Variants in GLI3 observed in about 807,000 individuals in gnomAD.
GLI3 encodes GLI family zinc finger 3, also known as transcription activator GLI3.
A neutral mutation model predicts 100.8 loss-of-function variants in GLI3; 20 were observed. That is an observed-to-expected ratio of 0.20 (90% CI 0.14 to 0.29). The LOEUF is 0.29. GLI3 is among the 10% of genes least tolerant of loss of function. The probability of loss-of-function intolerance (pLI) is 1.00; values close to 1 mark genes in which losing one functional copy is unlikely to be tolerated. For missense variants in GLI3, 2,040 were observed against 2,128.5 expected (o/e 0.96, Z 0.82); for synonymous variants, 938 against 860.5 (o/e 1.09, Z -1.58).
chr7:42,249,033 C>T (rs894792364), intron 1 of GLI3, among the ~76,000 whole-genome samples: 1 of 152,162 alleles, frequency 6.6e-6, no homozygotes, highest in Non-Finnish European at 1.5e-5. Context: ...AGGCATGAGC[C>T]ACTGCGCCTG....
At chr7:42,008,963 A>C (rs1788533966) in intron 10 of GLI3, among the ~76,000 whole-genome samples, 1 of 152,124 alleles carries the variant, frequency 6.6e-6, no homozygotes, top group Non-Finnish European at 1.5e-5. Flanking sequence ...CTCACAAACA[A>C]CTCTGATGAT....
At chr7:41,985,783 T>C (rs889500759) in intron 10 of GLI3, among the ~76,000 whole-genome samples, 5 of 152,194 alleles carry the variant, frequency 3.3e-5, no homozygotes, top group African/African-American at 4.8e-5. Flanking sequence ...GTAATTGGAT[T>C]CCTAAATGCT....
Position 41,977,551 on chromosome 7 carries a change from T to C in GLI3, c.1812+7A>G. The C allele has an allele frequency of 6.2e-7, 1 of 1,613,536 alleles. No individual in the cohort carries two copies. Among genetic ancestry groups the C allele is most frequent in the Non-Finnish European group, 8.5e-7 (1 of 1,179,476 alleles). On this transcript the variant is annotated splice_region_variant and intron_variant, in intron 12 of 14. Transcript: ENST00000395925. ...ATGCAAGCTCCATGCCCACTGAGGA[T>C]GCTTACCTCATTGGAATGCGTTCTG...
chr7:42,090,467 T>A (rs1443476825), intron 3 of GLI3, among the ~76,000 whole-genome samples: 1 of 152,204 alleles, frequency 6.6e-6, no homozygotes, highest in African/African-American at 2.4e-5. Context: ...TGTACCCATG[T>A]TTAAGAAGTC....
intron 2 of GLI3, among the ~76,000 whole-genome samples, chr7:42,207,599 T>G (rs1788181197): frequency 6.6e-6 from 1 of 152,160 alleles, no homozygotes; most frequent in Admixed American, 6.5e-5. Flanking sequence ...TTTCATCACA[T>G]CATTATTCAC....
intron 2 of GLI3, among the ~76,000 whole-genome samples, chr7:42,159,891 G>A (rs1487149677): frequency 6.6e-6 from 1 of 152,184 alleles, no homozygotes; most frequent in Non-Finnish European, 1.5e-5. Context: ...ATGGCAGGAT[G>A]TTATTTCTTT....
At chr7:42,168,988 G>C (rs1365788195) in intron 2 of GLI3, among the ~76,000 whole-genome samples, 1 of 152,168 alleles carries the variant, frequency 6.6e-6, no homozygotes, top group African/African-American at 2.4e-5. Flanking sequence ...AGATGGGCTA[G>C]AGGGTGCTGA....
chr7:41,995,758 A>G (rs1788106852), intron 10 of GLI3, among the ~76,000 whole-genome samples: 1 of 152,144 alleles, frequency 6.6e-6, no homozygotes, highest in South Asian at 2.1e-4. Flanking sequence ...GAAGAAAAGA[A>G]AGAAGAAAGG....
At chr7:42,240,882 C>T (rs976521792), upstream of GLI3, among the ~76,000 whole-genome samples, 3 of 152,204 alleles carry the variant, frequency 2.0e-5, no homozygotes, top group Non-Finnish European at 4.4e-5. Context: ...ACGTGCTCCT[C>T]TGATTCCTAC....
intron 2 of GLI3, among the ~76,000 whole-genome samples, chr7:42,194,631 A>T (rs1352887872): frequency 2.6e-5 from 4 of 151,762 alleles, no homozygotes; most frequent in Admixed American, 2.6e-4. Flanking sequence ...CATTCCATCT[A>T]CCCATGAAGC....
At chr7:41,993,135 A>C (rs1472841217) in intron 10 of GLI3, among the ~76,000 whole-genome samples, 1 of 152,154 alleles carries the variant, frequency 6.6e-6, no homozygotes, top group Non-Finnish European at 1.5e-5. Context: ...GATGTGTGAC[A>C]AAGTGTCCGG....
rs1220154145 is a variant in GLI3, at chr7:41,967,578, G to A, written c.2431+18C>T. ...AAAAAAAACCCTGAGCAGATGCATGGTCTGATGTAGAACTCACCATTTCCT... is the reference window on the plus strand; with the variant it reads ...AAAAAAAACCCTGAGCAGATGCATGATCTGATGTAGAACTCACCATTTCCT... On this transcript the variant is annotated intron_variant, in intron 14 of 14. Coordinates refer to ENST00000395925, the MANE Select transcript of GLI3 (RefSeq NM_000168.6). The A allele has an allele frequency of 3.2e-6, 5 of 1,570,236 alleles. No individual in the cohort carries two copies. The highest frequency in any genetic ancestry group is 4.4e-6 in the Non-Finnish European group (5 of 1,141,786).
chr7:42,220,083 A>G lies in GLI3; in HGVS notation c.124+3047T>C, dbSNP rs146105065. On this transcript the variant is annotated intron_variant, in intron 2 of 14. Coordinates refer to ENST00000395925, the MANE Select transcript of GLI3 (RefSeq NM_000168.6). ...TAGCCAGGATGGTCTCGATCTCCTG[A>G]CCTGGTGATCCGCCCGCCTCGGCCT... Among the ~76,000 whole-genome samples the G allele has an allele frequency of 3.8e-3, 584 of 152,080 alleles. 3 individuals are homozygous for G. The highest frequency in any genetic ancestry group is 0.013 in the African/African-American group (548 of 41,476).
intron 2 of GLI3, among the ~76,000 whole-genome samples, chr7:42,184,748 G>T (rs1453931032): frequency 6.6e-6 from 1 of 152,056 alleles, no homozygotes; most frequent in Non-Finnish European, 1.5e-5. Context: ...TCCTGGGGCA[G>T]CCCTCACCCC....
At chr7:42,129,867 G>A (rs900402885) in intron 3 of GLI3, among the ~76,000 whole-genome samples, 3 of 152,082 alleles carry the variant, frequency 2.0e-5, no homozygotes, top group African/African-American at 7.2e-5. Context: ...ACACACCCGT[G>A]ACAGTCAGAT....
chr7:41,993,381 A>G (rs1299304997), intron 10 of GLI3, among the ~76,000 whole-genome samples: 1 of 152,152 alleles, frequency 6.6e-6, no homozygotes. Context: ...ACCTCCTTAC[A>G]GAGACTCATC....
chr7:42,037,143 A>C (rs932585896), intron 7 of GLI3, among the ~76,000 whole-genome samples: 1 of 152,154 alleles, frequency 6.6e-6, no homozygotes, highest in Admixed American at 6.5e-5. Context: ...TCTGTCTCAA[A>C]AAAAAATAAT....
chr7:42,023,654 T>A (rs764529853), intron 9 of GLI3, 46 bp from the exon 10 acceptor site: 18 of 1,574,102 alleles, frequency 1.1e-5, no homozygotes, highest in Non-Finnish European at 1.4e-5. Context: ...GGGGGAAGAA[T>A]CAGACACAAC....
chr7:42,184,009 T>TC (rs1787670190), intron 2 of GLI3, among the ~76,000 whole-genome samples: 1 of 152,172 alleles, frequency 6.6e-6, no homozygotes, highest in Non-Finnish European at 1.5e-5. Context: ...CTGCCTCAGT[T>TC]CCCTCTTCTG....
Sources: gnomAD v4.1 joint callset for allele counts (sites outside exome capture counted in the v4.1 genomes callset) on GRCh38, gnomAD v4.1.1 for gene constraint, MANE v1.5 for transcripts, NCBI Gene and HGNC (gene_info 2026-07-23, HGNC 2026-07-21) for gene names.